DNAI3: variants seen among roughly 807,000 people sequenced by gnomAD.
DNAI3 encodes dynein axonemal intermediate chain 3.
In DNAI3, 83 loss-of-function variants were observed where a neutral mutation model predicts 115.5. The observed-to-expected ratio is 0.72, with a 90% CI of 0.60 to 0.86. The LOEUF (loss-of-function observed/expected upper bound fraction) is 0.86, where lower values mean the gene tolerates loss of function less well. DNAI3 is among the 40% of genes least tolerant of loss of function. The pLI, the probability that DNAI3 is intolerant of heterozygous loss-of-function variation, is 0.00. For missense variants in DNAI3, 1,004 were observed against 1,075.8 expected (o/e 0.93, Z 0.93); for synonymous variants, 320 against 347.0 (o/e 0.92, Z 0.86).
chr1:85,097,338 C>T (rs1311755239), intron 11 of DNAI3, among the ~76,000 whole-genome samples: 1 of 152,074 alleles, frequency 6.6e-6, no homozygotes, highest in African/African-American at 2.4e-5. Flanking sequence ...AAAATACTGG[C>T]CTTTATTAAT....
At chr1:85,097,195 T>G (rs551663253) in intron 11 of DNAI3, among the ~76,000 whole-genome samples, 1 of 152,122 alleles carries the variant, frequency 6.6e-6, no homozygotes, top group Non-Finnish European at 1.5e-5. Flanking sequence ...GTGTTTGTAC[T>G]CAATTCTGGA....
Position 85,128,719 on chromosome 1 carries a change from T to C in DNAI3, c.2329T>C (p.Phe777Leu), listed in dbSNP as rs768287387. The C allele has an allele frequency of 1.5e-5, 24 of 1,606,400 alleles. No individual in the cohort carries two copies. The highest frequency in any genetic ancestry group is 2.0e-5 in the Non-Finnish European group (24 of 1,178,476). ...KPWIFSSKQQ[F>L]IATADYYGTL... ...TTTAAAATTTTCAGCTAAACAGCAA[T>C]TTATAGCCACAGCTGATTATTATGG... The change falls in exon 21 of 23, where the codon TTT becomes CTT. Residue 777 changes from phenylalanine (F) to leucine (L), a missense_variant. By Grantham distance (22) the Phe-to-Leu change is conservative. Coordinates refer to ENST00000294664, the MANE Select transcript of DNAI3 (RefSeq NM_145172.5).
At chr1:85,079,859 G>A (rs1463562153) in intron 3 of DNAI3, among the ~76,000 whole-genome samples, 2 of 151,944 alleles carry the variant, frequency 1.3e-5, no homozygotes, top group Non-Finnish European at 2.9e-5. Context: ...GCAGCCAGAT[G>A]GGAGGAAAGG....
At chr1:85,111,556 C>G (rs1416779330) in intron 16 of DNAI3, among the ~76,000 whole-genome samples, 1 of 152,188 alleles carries the variant, frequency 6.6e-6, no homozygotes, top group African/African-American at 2.4e-5. Flanking sequence ...ATGATCACAA[C>G]AATCTGCAAG....
At position 85,084,643 on chromosome 1, in the gene DNAI3, T is replaced by G; in HGVS notation, c.488T>G (p.Leu163Trp). The G allele has an allele frequency of 6.4e-7, 1 of 1,566,374 alleles. No individual in the cohort carries two copies. Among genetic ancestry groups the G allele is most frequent in the Non-Finnish European group, 8.6e-7 (1 of 1,156,298 alleles). Residue 163 changes from leucine to tryptophan, a missense_variant, in exon 6 of 23, where the codon TTG becomes TGG. By Grantham distance (61) the Leu-to-Trp change is moderately conservative (BLOSUM62 -2). Transcript: ENST00000294664. ...KPPVSKPWVS[L>W]GSEKEIEEES... ...CCTGTCTCTAAACCATGGGTTTCTT[T>G]GGGCAGTGAAAAAGAAATTGAGGAA...
intron 19 of DNAI3, 34 bp from the exon 20 acceptor site, chr1:85,126,477 T>C (rs1656140387): frequency 6.3e-7 from 1 of 1,583,746 alleles, no homozygotes. Flanking sequence ...TAACAAAATC[T>C]TCTTTATTTG....
At chr1:85,099,333 A>G (rs1051700583) in intron 13 of DNAI3, 1 of 961,784 alleles carries the variant, frequency 1.0e-6, no homozygotes, top group Non-Finnish European at 1.2e-6. Flanking sequence ...CTATACACCA[A>G]TAACAGACAG....
At chr1:85,080,052 T>C (rs867378135) in intron 3 of DNAI3, among the ~76,000 whole-genome samples, 12 of 134,352 alleles carry the variant, frequency 8.9e-5, no homozygotes, top group East Asian at 4.7e-4. Flanking sequence ...TTTTCTTTTT[T>C]TTTTTTTTTT....
At chr1:85,068,351 T>C (rs547756480) in intron 1 of DNAI3, among the ~76,000 whole-genome samples, 35 of 152,326 alleles carry the variant, frequency 2.3e-4, no homozygotes, top group African/African-American at 5.1e-4. Flanking sequence ...GCAAAATTCA[T>C]TGATGTTATC....
At chr1:85,111,334 T>C (rs1011791411) in intron 16 of DNAI3, among the ~76,000 whole-genome samples, 8 of 152,224 alleles carry the variant, frequency 5.3e-5, no homozygotes, top group Non-Finnish European at 7.3e-5. Context: ...AGAGGGAATC[T>C]AACGGGAGTT....
intron 13 of DNAI3, among the ~76,000 whole-genome samples, chr1:85,099,116 C>A (rs557268105): frequency 6.6e-6 from 1 of 152,212 alleles, no homozygotes; most frequent in East Asian, 1.9e-4. Context: ...AGTCTGTGAG[C>A]CCAGCTGACT....
rs1438548484 is a variant in DNAI3, at chr1:85,124,192, A to G, written c.2053A>G (p.Asn685Asp). 3 of 1,614,074 alleles carry G rather than the reference A, an allele frequency of 1.9e-6. No homozygotes were observed. Among genetic ancestry groups the G allele is most frequent in the Non-Finnish European group, 2.5e-6 (3 of 1,180,032 alleles). Residue 685 changes from asparagine (N) to aspartate (D), a missense_variant, in exon 19 of 23, where the codon AAC (asparagine) becomes GAC (aspartate). Physicochemically the swap from Asn to Asp is conservative, Grantham distance 23 (BLOSUM62 1). Coordinates refer to ENST00000294664, the MANE Select transcript of DNAI3 (RefSeq NM_145172.5). ...CACTATTCAGAGATCACCTTTCTAC[A>G]ACGACATTATTCTCACGGTTGGAGG... The part of the protein sequence containing the change: ...VHTIQRSPFY[N>D]DIILTVGGWN...
At chr1:85,101,818 A>G (rs1655330454) in intron 13 of DNAI3, among the ~76,000 whole-genome samples, 2 of 151,804 alleles carry the variant, frequency 1.3e-5, no homozygotes, top group South Asian at 4.2e-4. Context: ...TGGAATGAAG[A>G]TAGTTTTCAA....
At chr1:85,110,524 G>A (rs1188812818) in intron 16 of DNAI3, among the ~76,000 whole-genome samples, 1 of 151,328 alleles carries the variant, frequency 6.6e-6, no homozygotes, top group Non-Finnish European at 1.5e-5. Context: ...TATGACTAAC[G>A]TGAGTTACTC....
intron 12 of DNAI3, among the ~76,000 whole-genome samples, chr1:85,097,920 G>A (rs886697079): frequency 1.3e-5 from 2 of 152,144 alleles, no homozygotes; most frequent in African/African-American, 4.8e-5. Context: ...TAAATGAAAT[G>A]AAGGGACCAA....
intron 3 of DNAI3, among the ~76,000 whole-genome samples, chr1:85,074,382 A>G (rs1654386505): frequency 2.0e-5 from 3 of 152,166 alleles, no homozygotes; most frequent in African/African-American, 7.2e-5. Context: ...CCTGTGCTCA[A>G]GTGGTCCTGA....
chr1:85,084,846 G>C, intron 6 of DNAI3, 151 bp downstream of exon 6: 1 of 749,830 alleles, frequency 1.3e-6, no homozygotes, highest in Non-Finnish European at 1.8e-6. Context: ...AATGGTCATT[G>C]TCTTAAGTGG....
chr1:85,124,022 C>T (rs568777022), intron 18 of DNAI3, 99 bp from the exon 19 acceptor site: 2 of 1,513,154 alleles, frequency 1.3e-6, no homozygotes, highest in South Asian at 1.2e-5. Flanking sequence ...CGACCCCATT[C>T]ATGGGGCCCT....
intron 3 of DNAI3, 95 bp from the exon 4 acceptor site, chr1:85,081,139 A>G: frequency 9.8e-7 from 1 of 1,017,556 alleles, no homozygotes; most frequent in Non-Finnish European, 1.4e-6. Context: ...AAATTTAACC[A>G]AGATAATTAT....
Sources: allele counts gnomAD v4.1 joint callset (sites outside exome capture counted in the v4.1 genomes callset), GRCh38; gene constraint gnomAD v4.1.1; transcripts MANE v1.5; gene names NCBI Gene and HGNC (gene_info 2026-07-23, HGNC 2026-07-21).